CLINT1: variants seen among roughly 807,000 people sequenced by gnomAD.
The protein encoded by CLINT1 is clathrin interactor 1.
In CLINT1, 15 loss-of-function variants were observed where a neutral mutation model predicts 70.4. The observed-to-expected ratio is 0.21, with a 90% CI of 0.14 to 0.33. CLINT1 has a LOEUF of 0.33. Ranked by LOEUF, CLINT1 falls within the 10% of genes least tolerant of loss-of-function variation. The pLI is 1.00. For synonymous variants in CLINT1, 227 were observed against 254.7 expected (o/e 0.89, Z 1.04); for missense variants, 615 against 778.1 (o/e 0.79, Z 2.49).
rs528356688 is a variant in CLINT1 at position 157,832,056 on chromosome 5, C to T, written c.42-14509G>A. The stretch of plus-strand genomic sequence containing the variant: ...AAGCTGGAGTGCAGTGGTAGGATCT[C>T]GGCTCGCTGCAGTCTCCACCTCCCA... On this transcript the variant is annotated intron_variant, in intron 1 of 11. Coordinates refer to ENST00000411809, the MANE Select transcript of CLINT1 (RefSeq NM_014666.4). Among the ~76,000 whole-genome samples the T allele has an allele frequency of 1.7e-4, 26 of 151,910 alleles. 1 individual carries two copies. The South Asian group carries it at 4.8e-3, about 28-fold the overall frequency.
chr5:157,831,803 C>T (rs570858520), intron 1 of CLINT1, among the ~76,000 whole-genome samples: 2 of 150,858 alleles, frequency 1.3e-5, no homozygotes, highest in South Asian at 2.1e-4. Flanking sequence ...AAGCGATTCC[C>T]ATCTTACTCT....
intron 9 of CLINT1, among the ~76,000 whole-genome samples, chr5:157,794,063 T>TA (rs1011451885): frequency 1.1e-4 from 16 of 150,504 alleles, no homozygotes; most frequent in Admixed American, 2.7e-4. Flanking sequence ...TTCACAACCT[T>TA]AAAAAAAAAT....
chr5:157,817,177 A>G (rs992597468), intron 2 of CLINT1, among the ~76,000 whole-genome samples: 1 of 152,092 alleles, frequency 6.6e-6, no homozygotes, highest in Non-Finnish European at 1.5e-5. Context: ...ATTTGTCAAA[A>G]TTTTACATGG....
rs746460499 is a variant in CLINT1, at chr5:157,792,013, C to T, written c.1088-18G>A. ...TGCTGTTACTAAGACAGAAATAACT[C>T]TAAGGGTAAGAAACTTCATGGAATG... On this transcript the variant is annotated intron_variant, in intron 9 of 11. Coordinates refer to ENST00000411809, the MANE Select transcript of CLINT1 (RefSeq NM_014666.4). 7 of 1,602,022 alleles carry T rather than the reference C, an allele frequency of 4.4e-6. No individual in the cohort carries two copies. In the Admixed American group the frequency reaches 1.2e-4, roughly 27 times the overall value.
chr5:157,795,084 C>T (rs1411429704), intron 8 of CLINT1, 112 bp from the exon 9 acceptor site: 1 of 795,546 alleles, frequency 1.3e-6, no homozygotes, highest in Non-Finnish European at 2.1e-6. Flanking sequence ...GGCCCAGATG[C>T]CTCACAAAAG....
chr5:157,815,148 C>A (rs1264732329), intron 3 of CLINT1, among the ~76,000 whole-genome samples: 2 of 149,822 alleles, frequency 1.3e-5, no homozygotes, highest in Admixed American at 6.6e-5. Flanking sequence ...CACACACACA[C>A]AAATAGCTGG....
intron 1 of CLINT1, among the ~76,000 whole-genome samples, chr5:157,837,649 C>CTTTTTTTTTTTTTTTTTTT (rs202044066): frequency 7.2e-6 from 1 of 138,552 alleles, no homozygotes; most frequent in African/African-American, 2.8e-5. Flanking sequence ...AGCTCTTTTA[C>CTTTTTTTTTTTTTTTTTTT]TTTTTTTTTT....
intron 3 of CLINT1, among the ~76,000 whole-genome samples, chr5:157,815,885 A>G (rs1762708047): frequency 1.3e-5 from 2 of 152,252 alleles, no homozygotes; most frequent in South Asian, 2.1e-4. Context: ...GAACAAATAG[A>G]GTATTATAAT....
rs759903343 is a variant in CLINT1, at chr5:157,859,009, G to C, written c.-39C>G. ...GGACGGTCCGCCGCCTCCCTCTCCT[G>C]CTCCCCACGGACCCCGGAACACTTC... On this transcript the variant is annotated 5_prime_UTR_variant, in exon 1 of 12. Transcript: ENST00000411809. 9.9e-6 allele frequency: 16 copies of C among 1,608,102 alleles called. No individual in the cohort carries two copies. The East Asian group carries it at 2.7e-4, about 27-fold the overall frequency.
chr5:157,787,749 A>G lies in CLINT1; in HGVS notation c.1775T>C (p.Leu592Ser). ...CATGCCCATTCCCATTGTGCCTGTC[A>G]AGCCCATCCCAGCAGCGGACATCCC... Reference protein sequence around the residue: ...NIGMSAAGMGLTGTMGMGMPN... With the variant: ...NIGMSAAGMGSTGTMGMGMPN... The change falls in exon 12 of 12, where the codon TTG becomes TCG. Residue 592 changes from leucine to serine, a missense_variant. Physicochemically the swap from Leu to Ser is moderately radical, Grantham distance 145 (BLOSUM62 -2). Coordinates refer to ENST00000411809, the MANE Select transcript of CLINT1 (RefSeq NM_014666.4). The G allele has an allele frequency of 3.7e-6, 6 of 1,614,028 alleles. No homozygotes were observed. Among genetic ancestry groups the G allele is most frequent in the Non-Finnish European group, 5.1e-6 (6 of 1,179,890 alleles).
intron 1 of CLINT1, among the ~76,000 whole-genome samples, chr5:157,831,182 G>C (rs537793484): frequency 4.7e-5 from 7 of 147,932 alleles, no homozygotes; most frequent in Non-Finnish European, 1.0e-4. Flanking sequence ...TTTTTTCTTC[G>C]TGTTTTACTT....
At chr5:157,842,405 G>C (rs1167079608) in intron 1 of CLINT1, among the ~76,000 whole-genome samples, 2 of 152,086 alleles carry the variant, frequency 1.3e-5, no homozygotes, top group Non-Finnish European at 2.9e-5. Context: ...AGTAAGCCGA[G>C]ATCCGCCACT....
intron 1 of CLINT1, among the ~76,000 whole-genome samples, chr5:157,829,102 A>AAACAACAACAACAGC (rs909160485): frequency 6.6e-6 from 1 of 151,912 alleles, no homozygotes; most frequent in African/African-American, 2.4e-5. Flanking sequence ...ACTCTGCCTC[A>AAACAACAACAACAGC]AACAACAACA....
intron 3 of CLINT1, among the ~76,000 whole-genome samples, chr5:157,814,970 T>C (rs753942419): frequency 6.0e-5 from 9 of 150,388 alleles, no homozygotes; most frequent in Non-Finnish European, 1.2e-4. Flanking sequence ...AAGGTGGAGG[T>C]TGCAGTGAGC....
At chr5:157,827,204 C>T (rs1308190504) in intron 1 of CLINT1, among the ~76,000 whole-genome samples, 1 of 151,892 alleles carries the variant, frequency 6.6e-6, no homozygotes, top group Non-Finnish European at 1.5e-5. Context: ...GAAAAGATTA[C>T]CTAATACGAA....
chr5:157,844,577 G>A (rs571030897), intron 1 of CLINT1, among the ~76,000 whole-genome samples: 1 of 152,262 alleles, frequency 6.6e-6, no homozygotes, highest in Non-Finnish European at 1.5e-5. Context: ...ACTGTATAAC[G>A]TCTAGATGTT....
At chr5:157,850,782 CT>C (rs1166671637) in intron 1 of CLINT1, among the ~76,000 whole-genome samples, 4 of 151,428 alleles carry the variant, frequency 2.6e-5, no homozygotes, top group East Asian at 1.9e-4. Context: ...TAGCATTGTT[CT>C]TTTTTTTAAT....
At position 157,845,833 on chromosome 5, in the gene CLINT1, C is replaced by T. The variant is rs199674715; in HGVS notation, c.41+13097G>A. Among the ~76,000 whole-genome samples the T allele has an allele frequency of 3.3e-5, 5 of 152,280 alleles. No homozygotes were observed. In the East Asian group the frequency reaches 5.8e-4, roughly 18 times the overall value. The stretch of plus-strand genomic sequence containing the variant: ...CCTCCCAAAGTGCTGGGATTACAGG[C>T]GTAAGCCACCATGCCCGGCCGCATT... On this transcript the variant is annotated intron_variant, in intron 1 of 11. Coordinates refer to ENST00000411809, the MANE Select transcript of CLINT1 (RefSeq NM_014666.4).
intron 1 of CLINT1, among the ~76,000 whole-genome samples, chr5:157,832,230 C>T (rs886580586): frequency 1.3e-5 from 2 of 151,170 alleles, no homozygotes. Context: ...TCATCTGCCC[C>T]CCTCAGCCTC....
Sources: gnomAD v4.1 joint callset for allele counts (sites outside exome capture counted in the v4.1 genomes callset) on GRCh38, gnomAD v4.1.1 for gene constraint, MANE v1.5 for transcripts, NCBI Gene and HGNC (gene_info 2026-07-23, HGNC 2026-07-21) for gene names.